Variants in CELF2 observed in about 807,000 individuals in gnomAD.
CELF2 encodes CUGBP Elav-like family member 2.
Under a neutral mutation model 62.6 loss-of-function variants are expected in CELF2, and 8 were observed. The observed-to-expected ratio is 0.13, with a 90% CI of 0.07 to 0.23. CELF2 has a LOEUF of 0.23. CELF2 is among the 10% of genes least tolerant of loss of function. The probability of loss-of-function intolerance (pLI) is 1.00; values close to 1 mark genes in which losing one functional copy is unlikely to be tolerated. For synonymous variants in CELF2, 258 were observed against 250.0 expected, an observed-to-expected ratio of 1.03 and a Z score of -0.30; for missense variants, 333 against 671.0, an observed-to-expected ratio of 0.50 and a Z score of 5.56.
chr10:11,024,229 G>A (rs1482112993), intron 1 of CELF2, among the ~76,000 whole-genome samples: 4 of 152,208 alleles, frequency 2.6e-5, no homozygotes, highest in African/African-American at 9.7e-5. Flanking sequence ...GAGTCACCTA[G>A]GTAGTTGACC....
intron 1 of CELF2, among the ~76,000 whole-genome samples, chr10:10,897,486 TAAAC>T (rs2062642414): frequency 6.6e-6 from 1 of 152,132 alleles, no homozygotes. Flanking sequence ...GAGTAACTAT[TAAAC>T]AAAGAAGGAT....
At chr10:10,563,834 A>G in the CELF2 span, among the ~76,000 whole-genome samples, 1 of 152,132 alleles carries the variant, frequency 6.6e-6, no homozygotes, top group African/African-American at 2.4e-5. Context: ...CTCACCATCT[A>G]GATAAGCCTC....
the CELF2 span, among the ~76,000 whole-genome samples, chr10:10,519,226 G>A: frequency 3.3e-5 from 5 of 152,156 alleles, no homozygotes; most frequent in Non-Finnish European, 5.9e-5. Flanking sequence ...CAGAGTCGAG[G>A]CTGATCTCTG....
chr10:11,009,470 G>A (rs954398341), intron 1 of CELF2, among the ~76,000 whole-genome samples: 5 of 152,266 alleles, frequency 3.3e-5, no homozygotes, highest in Admixed American at 2.0e-4. Flanking sequence ...TTCATGGAAC[G>A]TTGTCAGCAA....
rs569411453 is a variant in CELF2 at position 10,817,728 on chromosome 10, A to T, written c.53+18911A>T. ...TTCTTTATCCATTCATTGGCTGATG[A>T]ACAGTTAGGTGGCTTCCAAATCTTA... is the stretch of plus-strand genomic sequence containing the variant. On this transcript the variant is annotated intron_variant, in intron 1 of 13. Transcript: ENST00000636488. Among the ~76,000 whole-genome samples, 34 of 152,298 alleles carry T rather than the reference A, an allele frequency of 2.2e-4. No homozygotes were observed. In the South Asian group the frequency reaches 7.1e-3, roughly 32 times the overall value.
At chr10:11,121,529 C>T (rs992773704) in intron 1 of CELF2, among the ~76,000 whole-genome samples, 1 of 152,110 alleles carries the variant, frequency 6.6e-6, no homozygotes, top group Non-Finnish European at 1.5e-5. Flanking sequence ...GTGGTTGGTA[C>T]CATGTTGTGC....
the CELF2 span, among the ~76,000 whole-genome samples, chr10:10,755,490 G>T: frequency 6.6e-6 from 1 of 152,152 alleles, no homozygotes; most frequent in Non-Finnish European, 1.5e-5. Flanking sequence ...ACATTTTCGC[G>T]CGCAGTCTCT....
intron 1 of CELF2, among the ~76,000 whole-genome samples, chr10:11,134,887 A>ACTTTT (rs1228564869): frequency 1.3e-5 from 2 of 152,314 alleles, no homozygotes; most frequent in East Asian, 1.9e-4. Flanking sequence ...TGATTGAAAC[A>ACTTTT]CTTTTCTTTT....
intron 1 of CELF2, among the ~76,000 whole-genome samples, chr10:11,042,456 A>T (rs755437439): frequency 3.3e-5 from 5 of 152,324 alleles, no homozygotes; most frequent in Middle Eastern, 6.8e-3. Flanking sequence ...ACTCACATTG[A>T]TGTTTATTCT....
intron 1 of CELF2, among the ~76,000 whole-genome samples, chr10:10,799,773 A>G (rs962737043): frequency 1.3e-5 from 2 of 152,238 alleles, no homozygotes; most frequent in African/African-American, 4.8e-5. Context: ...CATCCTGTCT[A>G]AGCTGACTAC....
intron 12 of CELF2, 102 bp downstream of exon 12, chr10:11,326,081 C>A: frequency 8.5e-7 from 1 of 1,169,708 alleles, no homozygotes; most frequent in Non-Finnish European, 1.2e-6. Flanking sequence ...GGGCCTTCCC[C>A]ACATTGTGTT....
the CELF2 span, among the ~76,000 whole-genome samples, chr10:10,634,001 T>G: frequency 6.6e-6 from 1 of 152,102 alleles, no homozygotes; most frequent in African/African-American, 2.4e-5. Context: ...AGTTATTTTA[T>G]TAAGTGTTAG....
chr10:10,925,715 G>T (rs778782092), intron 2 of CELF2, among the ~76,000 whole-genome samples: 5 of 152,148 alleles, frequency 3.3e-5, no homozygotes, highest in Non-Finnish European at 7.4e-5. Context: ...GTACAGGCCA[G>T]GGGATAGCCC....
intron 9 of CELF2, among the ~76,000 whole-genome samples, chr10:11,291,464 A>T (rs1432516277): frequency 6.6e-6 from 1 of 152,226 alleles, no homozygotes; most frequent in Non-Finnish European, 1.5e-5. Context: ...ATAAAAATTA[A>T]AATAGTTTAA....
chr10:11,084,167 A>C (rs2074786877), intron 1 of CELF2, among the ~76,000 whole-genome samples: 1 of 152,242 alleles, frequency 6.6e-6, no homozygotes, highest in African/African-American at 2.4e-5. Context: ...ATGTAACCCC[A>C]AGAAGTAAAA....
chr10:11,040,408 A>T (rs2061630932), intron 1 of CELF2, among the ~76,000 whole-genome samples: 1 of 152,232 alleles, frequency 6.6e-6, no homozygotes, highest in Non-Finnish European at 1.5e-5. Flanking sequence ...TCATATAATA[A>T]AAGTAACAAT....
At chr10:10,650,123 A>T in the CELF2 span, among the ~76,000 whole-genome samples, 1 of 152,226 alleles carries the variant, frequency 6.6e-6, no homozygotes, top group Non-Finnish European at 1.5e-5. Flanking sequence ...ATGATAGAGG[A>T]CAGTGCAAAG....
chr10:11,054,153 G>A (rs1193492231), intron 1 of CELF2, among the ~76,000 whole-genome samples: 1 of 152,134 alleles, frequency 6.6e-6, no homozygotes. Flanking sequence ...TAAAAAGCCT[G>A]GCATATAGGA....
intron 2 of CELF2, among the ~76,000 whole-genome samples, chr10:10,979,020 C>T (rs2051717448): frequency 3.9e-5 from 6 of 152,128 alleles, no homozygotes; most frequent in Admixed American, 3.9e-4. Flanking sequence ...AAAGTGTTCC[C>T]CAGGCTTCCA....
Sources: gnomAD v4.1 joint callset for allele counts (sites outside exome capture counted in the v4.1 genomes callset) on GRCh38, gnomAD v4.1.1 for gene constraint, MANE v1.5 for transcripts, NCBI Gene and HGNC (gene_info 2026-07-23, HGNC 2026-07-21) for gene names.